Variants in NPM1 observed in about 807,000 individuals in gnomAD.
NPM1 encodes nucleophosmin.
Under a neutral mutation model 44.1 loss-of-function variants are expected in NPM1, and 1 was observed. The observed-to-expected ratio is 0.02, with a 90% CI of 0.01 to 0.11. The LOEUF is 0.11. Ranked by LOEUF, NPM1 falls within the 10% of genes least tolerant of loss-of-function variation. The probability of loss-of-function intolerance (pLI) is 1.00; values close to 1 mark genes in which losing one functional copy is unlikely to be tolerated. For synonymous variants in NPM1, 126 were observed against 111.8 expected (o/e 1.13, Z -0.80); for missense variants, 197 against 347.8 (o/e 0.57, Z 3.45).
intron 6 of NPM1, among the ~76,000 whole-genome samples, 185 bp downstream of exon 6, chr5:171,393,163 G>A (rs933272037): frequency 6.6e-6 from 1 of 152,196 alleles, no homozygotes; most frequent in Non-Finnish European, 1.5e-5. Context: ...GAGTTGAAAG[G>A]ATATTGGGTC....
At chr5:171,391,631 G>A (rs1770583201) in intron 3 of NPM1, 75 bp from the exon 4 acceptor site, 1 of 1,183,818 alleles carries the variant, frequency 8.4e-7, no homozygotes, top group Non-Finnish European at 1.3e-6. Flanking sequence ...TGTTGATTTG[G>A]CTTATGTGTT....
chr5:171,406,801 A>G, intron 9 of NPM1: 2 of 781,588 alleles, frequency 2.6e-6, no homozygotes, highest in Non-Finnish European at 3.2e-6. Flanking sequence ...GGAGGCAGTT[A>G]AGTTTCTTAA....
chr5:171,396,478 T>G (rs1253424010), intron 6 of NPM1, among the ~76,000 whole-genome samples: 1 of 152,242 alleles, frequency 6.6e-6, no homozygotes, highest in Non-Finnish European at 1.5e-5. Flanking sequence ...CTTGAAGGGC[T>G]ATTTGTGACA....
chr5:171,387,487 C>T (rs74826981), upstream of NPM1, among the ~76,000 whole-genome samples: 2 of 152,350 alleles, frequency 1.3e-5, no homozygotes, highest in Non-Finnish European at 2.9e-5. Flanking sequence ...TAAGGGCTGC[C>T]GACGCCATTT....
At chr5:171,388,658 A>G (rs980918619) in intron 1 of NPM1, among the ~76,000 whole-genome samples, 2 of 152,180 alleles carry the variant, frequency 1.3e-5, no homozygotes, top group Non-Finnish European at 2.9e-5. Context: ...CTCGTGAGCC[A>G]GGGATGCTGT....
chr5:171,396,323 G>A (rs1254656177), intron 6 of NPM1, among the ~76,000 whole-genome samples: 2 of 152,128 alleles, frequency 1.3e-5, no homozygotes, highest in Non-Finnish European at 2.9e-5. Context: ...TATTTTGATA[G>A]TAGTTTAATA....
chr5:171,397,127 T>A (rs1044180533), intron 6 of NPM1, among the ~76,000 whole-genome samples: 1 of 152,124 alleles, frequency 6.6e-6, no homozygotes, highest in African/African-American at 2.4e-5. Flanking sequence ...ATGAACTTTG[T>A]CTATAGGTTT....
chr5:171,403,017 T>A (rs182549494), intron 8 of NPM1, among the ~76,000 whole-genome samples: 1,525 of 137,348 alleles, frequency 0.011, 31 homozygotes, highest in East Asian at 0.06. Context: ...TTTTTTAATT[T>A]ATTTTTTTAT....
At chr5:171,389,967 T>C (rs1160293081) in intron 1 of NPM1, 84 bp from the exon 2 acceptor site, 1 of 772,638 alleles carries the variant, frequency 1.3e-6, no homozygotes, top group Non-Finnish European at 2.2e-6. Flanking sequence ...GTTCAAAAGT[T>C]AGACCTGACC....
At chr5:171,387,755 G>A (rs541595379), upstream of NPM1, 2 of 626,086 alleles carry the variant, frequency 3.2e-6, no homozygotes, top group East Asian at 2.8e-5. Flanking sequence ...CGGTACGGGG[G>A]TGGGAGGGCT....
At chr5:171,404,295 C>T (rs1337646484) in intron 8 of NPM1, among the ~76,000 whole-genome samples, 2 of 100,992 alleles carry the variant, frequency 2.0e-5, no homozygotes, top group African/African-American at 3.9e-5. Flanking sequence ...CCTCACTTCC[C>T]AGATGGGGTG....
At chr5:171,398,402 A>G (rs941944776) in intron 6 of NPM1, among the ~76,000 whole-genome samples, 1 of 152,132 alleles carries the variant, frequency 6.6e-6, no homozygotes, top group Non-Finnish European at 1.5e-5. Context: ...TAGACTTTGG[A>G]TGTAGATTAG....
At chr5:171,388,497 C>T (rs1229163286) in intron 1 of NPM1, among the ~76,000 whole-genome samples, 1 of 150,826 alleles carries the variant, frequency 6.6e-6, no homozygotes, top group African/African-American at 2.4e-5. Context: ...CGGACGTAGA[C>T]TTACCTCGCG....
At chr5:171,400,025 C>G in intron 6 of NPM1, 128 bp from the exon 7 acceptor site, 1 of 646,502 alleles carries the variant, frequency 1.5e-6, no homozygotes, top group South Asian at 1.8e-5. Context: ...GCTTTCACCT[C>G]TTGGCTGTTG....
At chr5:171,389,881 T>G (rs1770483637) in intron 1 of NPM1, among the ~76,000 whole-genome samples, 170 bp from the exon 2 acceptor site, 1 of 152,224 alleles carries the variant, frequency 6.6e-6, no homozygotes, top group Admixed American at 6.5e-5. Flanking sequence ...TGGGTGTCTG[T>G]AGAGGTTTCT....
chr5:171,400,287 G>C, intron 7 of NPM1, 77 bp downstream of exon 7: 1 of 1,131,670 alleles, frequency 8.8e-7, no homozygotes, highest in Non-Finnish European at 1.2e-6. Flanking sequence ...TGCTTGTTTT[G>C]TAGTTAAGGG....
At position 171,387,930 on chromosome 5, in the gene NPM1, A is replaced by G. The variant is rs2113140780; in HGVS notation, c.-19A>G. Reference sequence around the variant, plus strand: ...TCTCCGTCCGCCTTCTCTCCTACCTAAGTGCGTGCCGCCACCCGATGGAAG... The same window carrying G: ...TCTCCGTCCGCCTTCTCTCCTACCTGAGTGCGTGCCGCCACCCGATGGAAG... On this transcript the variant is annotated 5_prime_UTR_variant, in exon 1 of 11. Transcript: ENST00000296930. The G allele has an allele frequency of 6.2e-7, 1 of 1,609,244 alleles. No homozygotes were observed. The highest frequency in any genetic ancestry group is 1.1e-5 in the South Asian group (1 of 90,942).
rs199864610 is a variant in NPM1 at position 171,406,349 on chromosome 5, C to A, written c.771+946C>A. On this transcript the variant is annotated intron_variant, in intron 9 of 10. Coordinates refer to ENST00000296930, the MANE Select transcript of NPM1 (RefSeq NM_002520.7). ...TGCTAAAATGACATCTTTTAGATGC[C>A]CCTCCCCTCCATTTTAATATGGTCC... 3.3e-6 allele frequency: 5 copies of A among 1,521,978 alleles called. No individual in the cohort carries two copies. The East Asian group carries it at 6.7e-5, about 21-fold the overall frequency. 94.3% of individuals were successfully genotyped at this position (1,521,978 alleles called of 1,614,324 possible). A position where few individuals can be genotyped will look rare whatever the true frequency, so the allele number is the denominator to read the frequency against.
At chr5:171,393,117 G>A in intron 6 of NPM1, 139 bp downstream of exon 6, 1 of 1,122,376 alleles carries the variant, frequency 8.9e-7, no homozygotes, top group Non-Finnish European at 1.2e-6. Context: ...TAAAAGGGCA[G>A]GTGGTCATCT....
Sources: allele counts gnomAD v4.1 joint callset (sites outside exome capture counted in the v4.1 genomes callset), GRCh38; gene constraint gnomAD v4.1.1; transcripts MANE v1.5; gene names NCBI Gene and HGNC (gene_info 2026-07-23, HGNC 2026-07-21).